SUGP1: variants seen among roughly 807,000 people sequenced by gnomAD.
SUGP1 encodes SURP and G-patch domain-containing protein 1.
SUGP1 carries 34 observed loss-of-function variants against 76.5 expected under a neutral mutation model. That is an observed-to-expected ratio of 0.44 (90% CI 0.34 to 0.59). The LOEUF (loss-of-function observed/expected upper bound fraction) is 0.59. Ranked by LOEUF, SUGP1 falls within the 20% of genes least tolerant of loss-of-function variation. SUGP1 has a pLI of 0.01. For synonymous variants in SUGP1, 326 were observed against 326.2 expected (o/e 1.00, Z 0.01); for missense variants, 752 against 851.7 (o/e 0.88, Z 1.46).
At chr19:19,279,180 G>GCCCCC in intron 10 of SUGP1, 33 bp downstream of exon 10, 9 of 1,518,010 alleles carry the variant, frequency 5.9e-6, no homozygotes, top group East Asian at 2.3e-5. Context: ...GCCATGCCCA[G>GCCCCC]CCCAGCCCGG....
intron 8 of SUGP1, among the ~76,000 whole-genome samples, chr19:19,294,510 C>CAA (rs58011841): frequency 0.21 from 19,076 of 89,968 alleles, 2,081 homozygotes; most frequent in East Asian, 0.32. Context: ...GAGTGAGACT[C>CAA]AAAAAAAAAA....
chr19:19,302,531 T>A (rs948343943), intron 6 of SUGP1, 143 bp from the exon 7 acceptor site: 30 of 1,174,474 alleles, frequency 2.6e-5, no homozygotes, highest in Non-Finnish European at 3.2e-5. Flanking sequence ...ATTACTACAC[T>A]GGGACCAGAT....
At position 19,276,051 on chromosome 19, in the gene SUGP1, T is replaced by C; in HGVS notation, c.*597A>G. 1 of 153,218 alleles carries C rather than the reference T, an allele frequency of 6.5e-6. No homozygotes were observed. Among genetic ancestry groups the C allele is most frequent in the Non-Finnish European group, 1.5e-5 (1 of 68,748 alleles). 9.5% of individuals were successfully genotyped at this position (153,218 alleles called of 1,614,324 possible). A position where few individuals can be genotyped will look rare whatever the true frequency, so the allele number is the denominator to read the frequency against. On this transcript the variant is annotated 3_prime_UTR_variant, in exon 14 of 14. Transcript: ENST00000247001. ...GCCCAGGTGTGGCCAAGTCTCCAGCTTTATTATTATTATTATTATTTGAGA... is the reference window on the plus strand; with the variant it reads ...GCCCAGGTGTGGCCAAGTCTCCAGCCTTATTATTATTATTATTATTTGAGA...
At chr19:19,298,649 C>T (rs1050645933) in intron 7 of SUGP1, among the ~76,000 whole-genome samples, 3 of 152,178 alleles carry the variant, frequency 2.0e-5, no homozygotes, top group Non-Finnish European at 2.9e-5. Flanking sequence ...AATCCTGGGT[C>T]ATGGTACACG....
chr19:19,282,844 A>T (rs8113794), intron 8 of SUGP1, among the ~76,000 whole-genome samples: 9 of 152,018 alleles, frequency 5.9e-5, no homozygotes, highest in Admixed American at 2.0e-4. Context: ...TTGGGAGGCC[A>T]AGGTGGGCGG....
At chr19:19,310,252 G>T in intron 2 of SUGP1, 52 bp from the exon 3 acceptor site, 1 of 1,375,692 alleles carries the variant, frequency 7.3e-7, no homozygotes, top group South Asian at 1.2e-5. Context: ...GATGGAGTGA[G>T]GGCACCAGAG....
At chr19:19,298,552 G>A (rs945023541) in intron 7 of SUGP1, among the ~76,000 whole-genome samples, 1 of 152,112 alleles carries the variant, frequency 6.6e-6, no homozygotes, top group Non-Finnish European at 1.5e-5. Context: ...CAGTTTCTAG[G>A]TGAGCCTGTG....
rs183184118 is a variant in SUGP1, at chr19:19,287,109, T to C, written c.1244-6818A>G. Among the ~76,000 whole-genome samples the C allele has an allele frequency of 2.0e-5, 3 of 152,264 alleles. No individual in the cohort carries two copies. The East Asian group carries it at 5.8e-4, about 29-fold the overall frequency. On this transcript the variant is annotated intron_variant, in intron 8 of 13. Coordinates refer to ENST00000247001, the MANE Select transcript of SUGP1 (RefSeq NM_172231.4). ...GAGCAACATGGTGAAACCCTGTCTC[T>C]ACCAAATACAAAAATTAGCTAGGCA... is the stretch of plus-strand genomic sequence containing the variant.
intron 8 of SUGP1, among the ~76,000 whole-genome samples, chr19:19,284,188 G>A (rs552414043): frequency 5.3e-5 from 8 of 152,224 alleles, no homozygotes; most frequent in South Asian, 4.1e-4. Context: ...CCAGCTACTC[G>A]GGAGGCTGAG....
intron 12 of SUGP1, 91 bp downstream of exon 12, chr19:19,277,643 G>A: frequency 2.0e-6 from 3 of 1,492,278 alleles, no homozygotes; most frequent in South Asian, 1.2e-5. Flanking sequence ...CAAGGGAAAA[G>A]CGATGACATA....
At position 19,277,200 on chromosome 19, in the gene SUGP1, A is replaced by AGAGAGAAGCTTGAAC. The variant is rs1208366370; in HGVS notation, c.1782-139_1782-125dup. 3 of 878,878 alleles carry AGAGAGAAGCTTGAAC rather than the reference A, an allele frequency of 3.4e-6. No individual in the cohort carries two copies. The African/African-American group carries it at 5.4e-5, about 16-fold the overall frequency. The allele number at this position is 878,878 out of a possible 1,614,324, so 54.4% of individuals were successfully genotyped here. A position where few individuals can be genotyped will look rare whatever the true frequency, so the allele number is the denominator to read the frequency against. ...GGGCTGGGCTGGGACATATCTGCAC[A>AGAGAGAAGCTTGAAC]GAGAGAAGCTTGAACCTGAATGGTC... On this transcript the variant is annotated intron_variant, in intron 12 of 13. Coordinates refer to ENST00000247001, the MANE Select transcript of SUGP1 (RefSeq NM_172231.4).
chr19:19,303,630 T>C (rs554132608), intron 5 of SUGP1, 94 bp downstream of exon 5: 2 of 1,509,692 alleles, frequency 1.3e-6, no homozygotes, highest in Non-Finnish European at 9.2e-7. Context: ...TGGAACAGCA[T>C]CCGGCCCACA....
In SUGP1 at chr19:19,306,151, CT is replaced by C. The variant is rs762727832; in HGVS notation, c.311-76del. 1.9e-3 allele frequency: 2,673 copies of C among 1,378,480 alleles called. 4 individuals carry two copies. The highest frequency in any genetic ancestry group is 2.3e-3 in the Non-Finnish European group (2,375 of 1,041,666). 85.4% of individuals were successfully genotyped at this position (1,378,480 alleles called of 1,614,324 possible). A position where few individuals can be genotyped will look rare whatever the true frequency, so the allele number is the denominator to read the frequency against. The stretch of plus-strand genomic sequence containing the variant: ...CCCGGCTTCCGACCTAACCTAGGTG[CT>C]GTGGGCCCCGGGGGAGCTGGGTCCT... On this transcript the variant is annotated intron_variant, in intron 3 of 13. Transcript: ENST00000247001.
intron 3 of SUGP1, among the ~76,000 whole-genome samples, chr19:19,307,451 G>A (rs546173425): frequency 6.6e-6 from 1 of 152,052 alleles, no homozygotes; most frequent in Non-Finnish European, 1.5e-5. Flanking sequence ...GGACCATCTA[G>A]ACCTAAAAAA....
Position 19,305,918 on chromosome 19 carries a change from G to T in SUGP1, c.469C>A (p.Arg157Ser). 2 of 1,613,620 alleles carry T rather than the reference G, an allele frequency of 1.2e-6. No homozygotes were observed. Among genetic ancestry groups the T allele is most frequent in the South Asian group, 1.1e-5 (1 of 91,048 alleles). The change falls in exon 4 of 14, where the codon CGC becomes AGC. Residue 157 changes from arginine (R) to serine (S), a missense_variant. Coordinates refer to ENST00000247001, the MANE Select transcript of SUGP1 (RefSeq NM_172231.4). ...TCAGGGGACTGGAAGACACTCGGGCGGTGCGCCACGGGCAGCTGCTTGGCG... is the reference window on the plus strand; with the variant it reads ...TCAGGGGACTGGAAGACACTCGGGCTGTGCGCCACGGGCAGCTGCTTGGCG... Reference protein sequence around the residue: ...SHAKQLPVAHRPSVFQSPDED... With the variant: ...SHAKQLPVAHSPSVFQSPDED...
intron 7 of SUGP1, chr19:19,301,744 A>C (rs1160767235): frequency 6.4e-6 from 1 of 155,122 alleles, no homozygotes; most frequent in African/African-American, 2.4e-5. Context: ...GTACGACCGC[A>C]TGGCCGGGGA....
chr19:19,276,795 G>A (rs2061052893), intron 13 of SUGP1, 121 bp from the exon 14 acceptor site: 5 of 1,547,844 alleles, frequency 3.2e-6, no homozygotes, highest in African/African-American at 1.4e-5. Context: ...GGCAGGCTTG[G>A]GGGACGGGTG....
chr19:19,319,237 A>G, intron 1 of SUGP1, among the ~76,000 whole-genome samples: 1 of 152,042 alleles, frequency 6.6e-6, no homozygotes, highest in East Asian at 1.9e-4. Context: ...AAAGAAAAAA[A>G]GAATTCTAAA....
intron 8 of SUGP1, among the ~76,000 whole-genome samples, chr19:19,281,832 C>G (rs2061101103): frequency 6.6e-6 from 1 of 152,182 alleles, no homozygotes. Context: ...CAAGAGACCA[C>G]CCCCCAACCC....
Sources: allele counts gnomAD v4.1 joint callset (sites outside exome capture counted in the v4.1 genomes callset), GRCh38; gene constraint gnomAD v4.1.1; transcripts MANE v1.5; gene names NCBI Gene and HGNC (gene_info 2026-07-23, HGNC 2026-07-21).